The following PLAGL2 variants were observed in gnomAD, a reference collection of about 807,000 sequenced individuals.
The protein encoded by PLAGL2 is zinc finger protein PLAGL2.
PLAGL2 carries 7 observed loss-of-function variants against 29.0 expected under a neutral mutation model. The ratio of observed to expected loss-of-function variants is 0.24; its 90% CI spans 0.14 to 0.45. PLAGL2 has a LOEUF of 0.45. Among genes scored for constraint, PLAGL2 ranks in the 20% least tolerant of loss-of-function variants. PLAGL2 has a pLI of 0.99. For synonymous variants in PLAGL2, 234 were observed against 266.0 expected (o/e 0.88, Z 1.17); for missense variants, 454 against 648.2 (o/e 0.70, Z 3.25).
Position 32,196,468 on chromosome 20 carries a change from T to G in PLAGL2, c.1475A>C (p.His492Pro). The G allele has an allele frequency of 6.8e-7, 1 of 1,478,924 alleles. No homozygotes were observed. The highest frequency in any genetic ancestry group is 9.0e-7 in the Non-Finnish European group (1 of 1,114,980). 91.6% of individuals were successfully genotyped at this position (1,478,924 alleles called of 1,614,324 possible). A position where few individuals can be genotyped will look rare whatever the true frequency, so the allele number is the denominator to read the frequency against. ...CTGTGGGGGCTACTGGAATGCTTGA[T>G]GGAAACGAGGCAGGGTGGTGCTACT... ...GLSSTTLPRF[H>P]QAFQ Residue 492 changes from histidine (H) to proline (P), a missense_variant, in exon 3 of 3, where the codon CAT (histidine) becomes CCT (proline). This residue lies in a region of PLAGL2 where 247 missense variants were observed against 350.3 expected (regional missense o/e 0.71). Transcript: ENST00000246229.
At chr20:32,202,815 A>T (rs1365990791) in intron 1 of PLAGL2, among the ~76,000 whole-genome samples, 2 of 152,252 alleles carry the variant, frequency 1.3e-5, no homozygotes, top group African/African-American at 2.4e-5. Context: ...GCCTCTACTT[A>T]GGAAATTTAC....
chr20:32,199,949 A>C (rs1366080164), intron 2 of PLAGL2, among the ~76,000 whole-genome samples: 1 of 152,186 alleles, frequency 6.6e-6, no homozygotes, highest in Non-Finnish European at 1.5e-5. Flanking sequence ...AGAATTGTCA[A>C]GAGGGCAATC....
chr20:32,206,515 G>T (rs1197312564), intron 1 of PLAGL2, among the ~76,000 whole-genome samples: 3 of 152,196 alleles, frequency 2.0e-5, no homozygotes, highest in African/African-American at 7.2e-5. Flanking sequence ...CCATTTTCAT[G>T]GGGAGAAAAC....
In PLAGL2 at chr20:32,195,227, TTAG is replaced by T; in HGVS notation, c.*1222_*1224del. 1 of 152,494 alleles carries T rather than the reference TTAG, an allele frequency of 6.6e-6. No homozygotes were observed. The highest frequency in any genetic ancestry group is 1.5e-5 in the Non-Finnish European group (1 of 68,052). 9.4% of individuals were successfully genotyped at this position (152,494 alleles called of 1,614,324 possible). Reference sequence around the variant, plus strand: ...CAACAATGTACCCATAGATTAGGACTTAGCTATCTACCCATTCCTAACCTTCTG... The same window carrying T: ...CAACAATGTACCCATAGATTAGGACTCTATCTACCCATTCCTAACCTTCTG... On this transcript the variant is annotated 3_prime_UTR_variant, in exon 3 of 3. Transcript: ENST00000246229.
intron 1 of PLAGL2, among the ~76,000 whole-genome samples, chr20:32,203,842 C>T (rs2047272299): frequency 6.6e-6 from 1 of 152,182 alleles, no homozygotes; most frequent in Non-Finnish European, 1.5e-5. Flanking sequence ...ATATGATAAA[C>T]ACGTCCCCAT....
At position 32,196,892 on chromosome 20, in the gene PLAGL2, G is replaced by C. The variant is rs2047232070; in HGVS notation, c.1051C>G (p.Pro351Ala). ...KYQLGSTSYL[P>A]DKLPKVEVDS... ...ACCTCCACTTTGGGCAATTTGTCGGGCAAGTATGAGGTAGATCCAAGCTGG... is the reference window on the plus strand; with the variant it reads ...ACCTCCACTTTGGGCAATTTGTCGGCCAAGTATGAGGTAGATCCAAGCTGG... Residue 351 changes from proline to alanine, a missense_variant, in exon 3 of 3, where the codon CCC becomes GCC. This residue lies in a region of PLAGL2 where 247 missense variants were observed against 350.3 expected (regional missense o/e 0.71). Coordinates refer to ENST00000246229, the MANE Select transcript of PLAGL2 (RefSeq NM_002657.3). The C allele has an allele frequency of 6.2e-7, 1 of 1,614,130 alleles. No homozygotes were observed. Among genetic ancestry groups the C allele is most frequent in the Non-Finnish European group, 8.5e-7 (1 of 1,179,940 alleles).
At position 32,202,004 on chromosome 20, in the gene PLAGL2, T is replaced by G; in HGVS notation, c.175A>C (p.Ser59Arg). ...GGTCTCTGCTCTGGTTGCGGGAGGC[T>G]GTGAGGCCTCAGCTTCTCCCCATTT... ...FSNGEKLRPH[S>R]LPQPEQRPYS... The change falls in exon 2 of 3, where the codon AGC becomes CGC. Residue 59 changes from serine (S) to arginine (R), a missense_variant. By Grantham distance (110) the Ser-to-Arg change is moderately radical. Coordinates refer to ENST00000246229, the MANE Select transcript of PLAGL2 (RefSeq NM_002657.3). The G allele has an allele frequency of 6.2e-7, 1 of 1,614,022 alleles. No individual in the cohort carries two copies. Among genetic ancestry groups the G allele is most frequent in the Non-Finnish European group, 8.5e-7 (1 of 1,179,816 alleles).
rs376434091 is a variant in PLAGL2 at position 32,202,056 on chromosome 20, T to G, written c.123A>C (p.Gln41His). 6.2e-7 allele frequency: 1 copy of G among 1,614,224 alleles called. No individual in the cohort carries two copies. ...AGAAAGGTGTTCCCGAAATTTCACA[T>G]TGGCACTTCACTTGACTCTCCGCCT... ...GREAESQVKC[Q>H]CEISGTPFSN... The change falls in exon 2 of 3, where the codon CAA becomes CAC. Residue 41 changes from glutamine to histidine, a missense_variant. Transcript: ENST00000246229.
Position 32,196,820 on chromosome 20 carries a change from C to G in PLAGL2, c.1123G>C (p.Ala375Pro). 6.2e-7 allele frequency: 1 copy of G among 1,613,474 alleles called. No homozygotes were observed. Among genetic ancestry groups the G allele is most frequent in the Non-Finnish European group, 8.5e-7 (1 of 1,179,560 alleles). Residue 375 changes from alanine (A) to proline (P), a missense_variant, in exon 3 of 3, where the codon GCT becomes CCT. Coordinates refer to ENST00000246229, the MANE Select transcript of PLAGL2 (RefSeq NM_002657.3). ...ELPGSLSLSSAEPQPASPQPA... is the reference protein window; with the variant it reads ...ELPGSLSLSSPEPQPASPQPA... The stretch of plus-strand genomic sequence containing the variant: ...TGAGGTGAGGCGGGCTGGGGTTCAG[C>G]GGATGAGAGAGACAGGCTTCCAGGA...
At position 32,196,589 on chromosome 20, in the gene PLAGL2, T is replaced by C; in HGVS notation, c.1354A>G (p.Thr452Ala). Residue 452 changes from threonine (T) to alanine (A), a missense_variant, in exon 3 of 3, where the codon ACT becomes GCT. This residue lies in a region of PLAGL2 where 247 missense variants were observed against 350.3 expected (regional missense o/e 0.71). Transcript: ENST00000246229. ...SQAEAQPLLT[T>A]LQAQPQDSPG... ...GAATCTTGAGGCTGAGCTTGCAAAG[T>C]GGTAAGCAGGGGCTGTGCCTCAGCC... 6.5e-7 allele frequency: 1 copy of C among 1,540,468 alleles called. No homozygotes were observed. The highest frequency in any genetic ancestry group is 8.7e-7 in the Non-Finnish European group (1 of 1,147,926).
chr20:32,205,772 A>G (rs1466258841), intron 1 of PLAGL2, among the ~76,000 whole-genome samples: 6 of 152,208 alleles, frequency 3.9e-5, no homozygotes. Context: ...AGTACCCAAC[A>G]AAAGAGAGCT....
At chr20:32,205,196 C>T (rs2047279922) in intron 1 of PLAGL2, among the ~76,000 whole-genome samples, 1 of 152,220 alleles carries the variant, frequency 6.6e-6, no homozygotes, top group South Asian at 2.1e-4. Context: ...GAGGTCTCGG[C>T]TGTGTCTGCC....
chr20:32,199,312 G>A (rs1163890120), intron 2 of PLAGL2, among the ~76,000 whole-genome samples: 1 of 152,160 alleles, frequency 6.6e-6, no homozygotes, highest in African/African-American at 2.4e-5. Context: ...GCCTATGTGG[G>A]TTACTGTCAA....
At chr20:32,198,502 T>C (rs995361651) in intron 2 of PLAGL2, among the ~76,000 whole-genome samples, 1 of 152,124 alleles carries the variant, frequency 6.6e-6, no homozygotes, top group Non-Finnish European at 1.5e-5. Flanking sequence ...TAGATGGGCA[T>C]GGCAGCATGC....
Position 32,197,574 on chromosome 20 carries a change from G to A in PLAGL2, c.369C>T (p.Asn123=). ...LRNHLQTHDP[N]KEALHCSECG... The stretch of plus-strand genomic sequence containing the variant: ...ACTCAGAGCAGTGGAGGGCCTCTTT[G>A]TTAGGATCATGGGTCTGCAGATGGT... Residue 123 remains asparagine (N), a synonymous_variant, in exon 3 of 3, where the codon AAC becomes AAT. Transcript: ENST00000246229. The surrounding 1 kb of genome is among the most constrained non-coding windows in gnomAD (Gnocchi z 6.6). The A allele has an allele frequency of 1.2e-6, 2 of 1,614,222 alleles. No individual in the cohort carries two copies. The highest frequency in any genetic ancestry group is 1.7e-6 in the Non-Finnish European group (2 of 1,180,046).
chr20:32,205,176 T>C (rs573643423), intron 1 of PLAGL2, among the ~76,000 whole-genome samples: 2 of 152,234 alleles, frequency 1.3e-5, no homozygotes, highest in South Asian at 2.1e-4. Context: ...ATACATGCAG[T>C]GCCTTCTCTG....
intron 1 of PLAGL2, among the ~76,000 whole-genome samples, chr20:32,206,468 G>A (rs1369047134): frequency 1.3e-5 from 2 of 152,134 alleles, no homozygotes; most frequent in African/African-American, 4.8e-5. Context: ...CCACTCCTGG[G>A]GAGGCCTTGA....
intron 2 of PLAGL2, among the ~76,000 whole-genome samples, chr20:32,198,372 G>A (rs2047241178): frequency 6.6e-6 from 1 of 152,214 alleles, no homozygotes; most frequent in Non-Finnish European, 1.5e-5. Context: ...TGGGCACAGT[G>A]GTGCATGCCT....
chr20:32,202,103 C>G lies in PLAGL2; in HGVS notation c.76G>C (p.Val26Leu). 1 of 1,614,198 alleles carries G rather than the reference C, an allele frequency of 6.2e-7. No homozygotes were observed. The highest frequency in any genetic ancestry group is 8.5e-7 in the Non-Finnish European group (1 of 1,180,016). Residue 26 changes from valine to leucine, a missense_variant, in exon 2 of 3, where the codon GTT becomes CTT. Physicochemically the swap from Val to Leu is conservative, Grantham distance 32. Around this residue, in one of 4 missense-constraint regions of PLAGL2, gnomAD observed 89 missense variants for 90.4 expected, o/e 0.98. Coordinates refer to ENST00000246229, the MANE Select transcript of PLAGL2 (RefSeq NM_002657.3). ...KQEEEVGWKL[V>L]PRPRGREAES... ...GCCTCCCGGCCCCGAGGCCTGGGAA[C>G]TAGTTTCCAGCCCACTTCCTCCTCC...
Sources: allele counts gnomAD v4.1 joint callset (sites outside exome capture counted in the v4.1 genomes callset), GRCh38; gene constraint gnomAD v4.1.1; regional missense constraint gnomAD v4.1.1; non-coding constraint Gnocchi (gnomAD v3.1); transcripts MANE v1.5; gene names NCBI Gene and HGNC (gene_info 2026-07-23, HGNC 2026-07-21).